Variants in GFI1B observed in about 807,000 individuals in gnomAD.
GFI1B encodes growth factor independent 1B transcriptional repressor, also known as zinc finger protein Gfi-1b.
A neutral mutation model predicts 35.3 loss-of-function variants in GFI1B; 20 were observed. The ratio of observed to expected loss-of-function variants is 0.57; its 90% CI spans 0.40 to 0.82. The LOEUF (loss-of-function observed/expected upper bound fraction) is 0.82. Ranked by LOEUF, GFI1B falls within the 40% of genes least tolerant of loss-of-function variation. GFI1B has a pLI of 0.00. For missense variants in GFI1B, 430 were observed against 446.3 expected (o/e 0.96, Z 0.33); for synonymous variants, 178 against 177.6 (o/e 1.00, Z -0.02).
upstream of GFI1B, among the ~76,000 whole-genome samples, chr9:132,973,962 G>A (rs1217183360): frequency 2.0e-5 from 3 of 152,092 alleles, no homozygotes; most frequent in Non-Finnish European, 4.4e-5. Flanking sequence ...GACCAGGCTG[G>A]GCCAATCAGA....
At chr9:132,954,433 G>T (rs2132586720) in intron 1 of GFI1B, among the ~76,000 whole-genome samples, 1 of 151,940 alleles carries the variant, frequency 6.6e-6, no homozygotes, top group Non-Finnish European at 1.5e-5. Context: ...AAATTAGCCA[G>T]ATGTGGTAGT....
chr9:132,951,915 A>G (rs1162754919), intron 1 of GFI1B: 3 of 152,032 alleles, frequency 2.0e-5, no homozygotes, highest in Non-Finnish European at 2.9e-5. Context: ...CTCCAGGCAC[A>G]CACCACCACA....
At chr9:132,952,728 A>G (rs1421147113) in intron 1 of GFI1B, 3 of 152,226 alleles carry the variant, frequency 2.0e-5, no homozygotes, top group South Asian at 2.1e-4. Context: ...ATTATTCCCA[A>G]TCTTCAAGGA....
At chr9:132,987,210 G>A (rs574773501) in intron 2 of GFI1B, 72 bp from the exon 3 acceptor site, 30 of 1,505,648 alleles carry the variant, frequency 2.0e-5, no homozygotes, top group African/African-American at 9.6e-5. Context: ...TAGGAAGGGC[G>A]TGCCCTCCTT....
intron 1 of GFI1B, among the ~76,000 whole-genome samples, chr9:132,947,587 T>C (rs575204544): frequency 6.6e-6 from 1 of 152,088 alleles, no homozygotes; most frequent in Admixed American, 6.5e-5. Flanking sequence ...GGCAGGTAGA[T>C]GGCTTGAGGT....
At chr9:132,978,582 A>C (rs553823091), upstream of GFI1B, 1 of 152,224 alleles carries the variant, frequency 6.6e-6, no homozygotes, top group African/African-American at 2.4e-5. Context: ...AAGTTTTGAT[A>C]AGCAAATACG....
chr9:132,970,717 G>A (rs986740944), intron 1 of GFI1B, among the ~76,000 whole-genome samples: 31 of 152,116 alleles, frequency 2.0e-4, no homozygotes, highest in African/African-American at 7.0e-4. Flanking sequence ...GAGATGAGGC[G>A]TATAAAGCCC....
chr9:132,970,566 G>A (rs1184331676), intron 1 of GFI1B, among the ~76,000 whole-genome samples: 1 of 152,224 alleles, frequency 6.6e-6, no homozygotes, highest in East Asian at 1.9e-4. Context: ...GGCCAGGGGG[G>A]TGTGTCTGTG....
rs972117460 is a variant in GFI1B at position 132,978,773 on chromosome 9, G to A, written c.-89G>A. The A allele has an allele frequency of 6.6e-6, 1 of 152,306 alleles. No homozygotes were observed. The highest frequency in any genetic ancestry group is 2.4e-5 in the African/African-American group (1 of 41,470). 9.4% of individuals were successfully genotyped at this position (152,306 alleles called of 1,614,324 possible). On this transcript the variant is annotated 5_prime_UTR_variant, in exon 1 of 7. Coordinates refer to ENST00000372122, the MANE Select transcript of GFI1B (RefSeq NM_001377304.1). The stretch of plus-strand genomic sequence containing the variant: ...AGTTGACAGAGTGGAGGCCAGTCCC[G>A]AGAGAGGCTTTGCAGTTCCCACCTC...
chr9:132,967,465 C>T (rs1848466236), intron 1 of GFI1B, among the ~76,000 whole-genome samples: 1 of 152,116 alleles, frequency 6.6e-6, no homozygotes, highest in Admixed American at 6.5e-5. Context: ...GCTCTTCCAT[C>T]ATAAAGGAAG....
chr9:132,978,859 C>G lies in GFI1B; in HGVS notation c.-21+18C>G, dbSNP rs920694420. 2.0e-5 allele frequency: 3 copies of G among 152,242 alleles called. No individual in the cohort carries two copies. The East Asian group carries it at 5.8e-4, about 29-fold the overall frequency. The allele number at this position is 152,242 out of a possible 1,614,324, so 9.4% of individuals were successfully genotyped here. A position where few individuals can be genotyped will look rare whatever the true frequency, so the allele number is the denominator to read the frequency against. ...CCGGACAGGTGAGTGCTGGAGGATG[C>G]GTTTCTACGCTTTTGTTTTGAAATG... On this transcript the variant is annotated intron_variant, in intron 1 of 6. Coordinates refer to ENST00000372122, the MANE Select transcript of GFI1B (RefSeq NM_001377304.1).
intron 1 of GFI1B, among the ~76,000 whole-genome samples, chr9:132,960,623 A>G (rs189829867): frequency 2.2e-4 from 34 of 152,008 alleles, no homozygotes; most frequent in Admixed American, 1.9e-3. Context: ...CAGCCTCCCA[A>G]AGAGCTGGGA....
At chr9:132,990,297 A>G (rs1564180781) in intron 6 of GFI1B, among the ~76,000 whole-genome samples, 1 of 151,576 alleles carries the variant, frequency 6.6e-6, no homozygotes, top group African/African-American at 2.4e-5. Context: ...TCATTTGTTC[A>G]CTCATTCATT....
chr9:132,951,651 C>T (rs1415447586), intron 1 of GFI1B: 2 of 152,236 alleles, frequency 1.3e-5, no homozygotes, highest in Non-Finnish European at 2.9e-5. Context: ...GTCCCCCTCT[C>T]CTCACAGGTT....
rs1168624885 is a variant in GFI1B at position 132,988,293 on chromosome 9, C to A, written c.335C>A (p.Ala112Asp). Residue 112 changes from alanine (A) to aspartate (D), a missense_variant, in exon 4 of 7, where the codon GCC (alanine) becomes GAC (aspartate). By Grantham distance (126) the Ala-to-Asp change is moderately radical (BLOSUM62 -2). Coordinates refer to ENST00000372122, the MANE Select transcript of GFI1B (RefSeq NM_001377304.1). ...YKPSFSWDTLATTYGHSYRQA... is the reference protein window; with the variant it reads ...YKPSFSWDTLDTTYGHSYRQA... Reference sequence around the variant, plus strand: ...CCTAGCTTCTCCTGGGACACCTTGGCCACAACCTATGGCCACAGCTACCGG... The same window carrying A: ...CCTAGCTTCTCCTGGGACACCTTGGACACAACCTATGGCCACAGCTACCGG... 2 of 1,614,172 alleles carry A rather than the reference C, an allele frequency of 1.2e-6. No individual in the cohort carries two copies. The highest frequency in any genetic ancestry group is 3.3e-5 in the Admixed American group (2 of 60,032).
chr9:132,985,094 G>T (rs1431400376), intron 1 of GFI1B, among the ~76,000 whole-genome samples: 1 of 152,194 alleles, frequency 6.6e-6, no homozygotes, highest in African/African-American at 2.4e-5. Context: ...CTCCTCTGAC[G>T]CCTCAGGCAT....
intron 1 of GFI1B, among the ~76,000 whole-genome samples, chr9:132,979,398 C>A (rs1848739082): frequency 1.3e-5 from 2 of 152,008 alleles, no homozygotes; most frequent in East Asian, 3.9e-4. Flanking sequence ...TGTTACCACG[C>A]CTGGCTAATT....
At chr9:132,985,088 T>C (rs764909667) in intron 1 of GFI1B, among the ~76,000 whole-genome samples, 14 of 152,174 alleles carry the variant, frequency 9.2e-5, no homozygotes, top group Non-Finnish European at 1.9e-4. Flanking sequence ...GTGGGACTCC[T>C]CTGACGCCTC....
Position 132,987,274 on chromosome 9 carries a change from C to A in GFI1B, c.101-8C>A, listed in dbSNP as rs375174600. ...GCTATTGATGCTGATGGTCCTATCTCCCCACAGTGCCCAGAGACCAGGCTC... is the reference window on the plus strand; with the variant it reads ...GCTATTGATGCTGATGGTCCTATCTACCCACAGTGCCCAGAGACCAGGCTC... On this transcript the variant is annotated splice_region_variant and splice_polypyrimidine_tract_variant and intron_variant, in intron 2 of 6. Coordinates refer to ENST00000372122, the MANE Select transcript of GFI1B (RefSeq NM_001377304.1). 3.5e-5 allele frequency: 57 copies of A among 1,613,508 alleles called. No homozygotes were observed. Among genetic ancestry groups the A allele is most frequent in the Non-Finnish European group, 4.5e-5 (53 of 1,179,696 alleles).
Sources: gnomAD v4.1 joint callset for allele counts (sites outside exome capture counted in the v4.1 genomes callset) on GRCh38, gnomAD v4.1.1 for gene constraint, MANE v1.5 for transcripts, NCBI Gene and HGNC (gene_info 2026-07-23, HGNC 2026-07-21) for gene names.